Variants in FRMPD4 observed in about 807,000 individuals in gnomAD.
The protein encoded by FRMPD4 is FERM and PDZ domain containing 4, also known as FERM and PDZ domain-containing protein 4.
In FRMPD4, 22 loss-of-function variants were observed where a neutral mutation model predicts 94.1. That is an observed-to-expected ratio of 0.23 (90% CI 0.17 to 0.33). The LOEUF (loss-of-function observed/expected upper bound fraction) is 0.33. Ranked by LOEUF, FRMPD4 falls within the 10% of genes least tolerant of loss-of-function variation. FRMPD4 has a pLI of 1.00. For missense variants in FRMPD4, 1,111 were observed against 1,339.9 expected (o/e 0.83, Z 2.67); for synonymous variants, 631 against 548.6 (o/e 1.15, Z -2.10).
In FRMPD4 at chrX:12,721,949, T is replaced by C; in HGVS notation, c.*91T>C. 3.1e-6 allele frequency: 1 copy of C among 326,730 alleles called. No individual in the cohort carries two copies. The highest frequency in any genetic ancestry group is 4.0e-6 in the Non-Finnish European group (1 of 247,516). The allele number at this position is 326,730 out of a possible 1,213,427, so 26.9% of individuals were successfully genotyped here. On this transcript the variant is annotated 3_prime_UTR_variant, in exon 17 of 17. Coordinates refer to ENST00000675598, the MANE Select transcript of FRMPD4 (RefSeq NM_001368397.1). ...TATGATGAACAGATGTCTCCTTTCT[T>C]CTCTCTGTATATTTTGTTATTTTAT...
At chrX:12,585,225 A>AT (rs1466034844) in intron 2 of FRMPD4, among the ~76,000 whole-genome samples, 9 of 37,067 alleles carry the variant, frequency 2.4e-4, no homozygotes, top group African/African-American at 1.6e-3. Context: ...CCAAATAATC[A>AT]ATTTTTTTTT....
intron 13 of FRMPD4, 35 bp from the exon 14 acceptor site, chrX:12,710,364 G>T: frequency 8.7e-7 from 1 of 1,144,681 alleles, no homozygotes; most frequent in Non-Finnish European, 1.2e-6. Context: ...TATTAAGAAT[G>T]GATGGCTTTA....
intron 4 of FRMPD4, among the ~76,000 whole-genome samples, chrX:12,639,527 G>A (rs1156946602): frequency 1.8e-5 from 2 of 111,727 alleles, no homozygotes; most frequent in East Asian, 2.8e-4. Context: ...CACTTTTTAC[G>A]ATACATATGT....
intron 3 of FRMPD4, among the ~76,000 whole-genome samples, chrX:12,019,099 C>T (rs1390798685): frequency 2.0e-4 from 22 of 111,052 alleles, no homozygotes; most frequent in African/African-American, 7.2e-4. Flanking sequence ...AAATAAAGAA[C>T]TCTGATATGA....
At position 11,956,498 on chromosome X, in the gene FRMPD4, G is replaced by A. The variant is rs965550548; in HGVS notation, c.95+78480G>A. Among the ~76,000 whole-genome samples the A allele has an allele frequency of 7.1e-5, 8 of 112,041 alleles. No individual in the cohort carries two copies. In the Admixed American group the frequency reaches 7.6e-4, roughly 11 times the overall value. On this transcript the variant is annotated intron_variant, in intron 3 of 18. Coordinates refer to the FRMPD4 transcript ENST00000640291. ...ATAGCAGGAGCTCACTTTATTGTAA[G>A]TATGGAGTTAGGTTAATCCTTAGTA...
intron 14 of FRMPD4, among the ~76,000 whole-genome samples, chrX:12,710,952 G>A (rs899553391): frequency 9.0e-6 from 1 of 111,124 alleles, no homozygotes. Flanking sequence ...AGTTAAAATT[G>A]TACCCACAAA....
chrX:12,053,764 A>C (rs1250886763), intron 3 of FRMPD4, among the ~76,000 whole-genome samples: 1 of 112,305 alleles, frequency 8.9e-6, no homozygotes. Context: ...CCTTTATGAC[A>C]AAAGACAGAT....
At chrX:12,241,856 G>A (rs1017563529) in intron 1 of FRMPD4, among the ~76,000 whole-genome samples, 6 of 108,279 alleles carry the variant, frequency 5.5e-5, no homozygotes, top group African/African-American at 2.0e-4. Flanking sequence ...AGCTATGATC[G>A]CACCACTGCA....
chrX:12,150,043 C>T (rs1405283699), intron 1 of FRMPD4, among the ~76,000 whole-genome samples: 2 of 112,561 alleles, frequency 1.8e-5, no homozygotes, highest in Non-Finnish European at 3.7e-5. Flanking sequence ...CTATTTCACA[C>T]TTAATAAACT....
intron 1 of FRMPD4, among the ~76,000 whole-genome samples, chrX:12,287,278 C>G (rs1422696567): frequency 1.3e-4 from 14 of 111,511 alleles, no homozygotes; most frequent in African/African-American, 3.9e-4. Context: ...CTAACCAGGT[C>G]CTTGTGAGTC....
intron 3 of FRMPD4, among the ~76,000 whole-genome samples, chrX:11,899,706 C>A (rs1020476901): frequency 5.4e-5 from 6 of 111,697 alleles, no homozygotes; most frequent in Non-Finnish European, 1.1e-4. Flanking sequence ...TTCAACTGAA[C>A]AATATTGCTG....
intron 4 of FRMPD4, among the ~76,000 whole-genome samples, chrX:12,655,745 G>A (rs919627882): frequency 1.8e-5 from 2 of 111,828 alleles, no homozygotes; most frequent in Non-Finnish European, 3.8e-5. Flanking sequence ...AAAAGACAAT[G>A]GAAAGAAAGC....
At chrX:11,934,276 T>C (rs948408594) in intron 3 of FRMPD4, among the ~76,000 whole-genome samples, 1 of 112,232 alleles carries the variant, frequency 8.9e-6, no homozygotes, top group Non-Finnish European at 1.9e-5. Context: ...AAAGTGTGCT[T>C]GAGTTCTCAC....
Position 12,018,700 on chromosome X carries a change from A to G in FRMPD4, c.95+140682A>G, listed in dbSNP as rs780577335. On this transcript the variant is annotated intron_variant, in intron 3 of 18. Transcript: ENST00000640291. ...CCAAAGTGCTAGGATTACAGGTGTG[A>G]GTCACCATTCCCGGTCCAGATTTCC... Among the ~76,000 whole-genome samples, 8 of 111,627 alleles carry G rather than the reference A, an allele frequency of 7.2e-5. No individual in the cohort carries two copies. In the East Asian group the frequency reaches 2.3e-3, roughly 32 times the overall value.
At chrX:11,998,624 G>A (rs1405166062) in intron 3 of FRMPD4, among the ~76,000 whole-genome samples, 1 of 111,314 alleles carries the variant, frequency 9.0e-6, no homozygotes, top group Non-Finnish European at 1.9e-5. Flanking sequence ...CCTAACTGCA[G>A]TCTAAAATCC....
intron 1 of FRMPD4, among the ~76,000 whole-genome samples, chrX:12,433,281 G>C (rs1340060038): frequency 8.9e-6 from 1 of 112,255 alleles, no homozygotes; most frequent in Non-Finnish European, 1.9e-5. Context: ...ATACAGCCTG[G>C]AGATTGTCAT....
intron 2 of FRMPD4, among the ~76,000 whole-genome samples, chrX:12,533,441 A>C (rs768310355): frequency 1.3e-4 from 15 of 112,157 alleles, no homozygotes; most frequent in Non-Finnish European, 2.4e-4. Flanking sequence ...ATGTGGAAGC[A>C]ACTTTGGAAC....
intron 1 of FRMPD4, among the ~76,000 whole-genome samples, chrX:12,433,344 G>T (rs963224087): frequency 1.8e-5 from 2 of 112,128 alleles, no homozygotes; most frequent in Non-Finnish European, 3.8e-5. Flanking sequence ...GATTTCCAAG[G>T]ACCTGAAAAC....
At position 12,718,259 on chromosome X, in the gene FRMPD4, G is replaced by A. The variant is rs2042141490; in HGVS notation, c.3433G>A (p.Gly1145Ser). 1.7e-6 allele frequency: 2 copies of A among 1,210,033 alleles called. No homozygotes were observed. The highest frequency in any genetic ancestry group is 1.7e-5 in the African/African-American group (1 of 57,189). ...AGAAACCAGTGATGGCTCAGGACTT[G>A]GTCAAGGGGACCGCTTCTTAACTGA... ...DGETSDGSGL[G>S]QGDRFLTDVT... Residue 1145 changes from glycine to serine, a missense_variant, in exon 16 of 17, where the codon GGT (glycine) becomes AGT (serine). This residue lies in a region of FRMPD4 where 551 missense variants were observed against 591.6 expected (regional missense o/e 0.93). Transcript: ENST00000675598.
Sources: allele counts gnomAD v4.1 joint callset (sites outside exome capture counted in the v4.1 genomes callset), GRCh38; gene constraint gnomAD v4.1.1; regional missense constraint gnomAD v4.1.1; transcripts MANE v1.5; gene names NCBI Gene and HGNC (gene_info 2026-07-23, HGNC 2026-07-21).